The following MAPKAP1 variants were observed in gnomAD, a reference collection of about 807,000 sequenced individuals.
MAPKAP1 encodes target of rapamycin complex 2 subunit MAPKAP1.
Under a neutral mutation model 65.7 loss-of-function variants are expected in MAPKAP1, and 20 were observed. The ratio of observed to expected loss-of-function variants is 0.30; its 90% confidence interval spans 0.21 to 0.44. The LOEUF (loss-of-function observed/expected upper bound fraction) is 0.44, where lower values mean the gene tolerates loss of function less well. Ranked by LOEUF, MAPKAP1 falls within the 20% of genes least tolerant of loss-of-function variation. The pLI is 1.00. For synonymous variants in MAPKAP1, 222 were observed against 244.3 expected, an observed-to-expected ratio of 0.91 and a Z score of 0.85; for missense variants, 423 against 648.0, an observed-to-expected ratio of 0.65 and a Z score of 3.77.
intron 10 of MAPKAP1, among the ~76,000 whole-genome samples, chr9:125,463,209 C>G (rs946115249): frequency 2.0e-5 from 3 of 152,194 alleles, no homozygotes; most frequent in African/African-American, 7.2e-5. Context: ...AACAATGGAA[C>G]GGGAAGGCAA....
intron 5 of MAPKAP1, among the ~76,000 whole-genome samples, chr9:125,578,035 G>C (rs1428070017): frequency 6.6e-6 from 1 of 152,046 alleles, no homozygotes; most frequent in East Asian, 1.9e-4. Flanking sequence ...TGGTTGCCGT[G>C]TCTGTGTAGA....
intron 7 of MAPKAP1, among the ~76,000 whole-genome samples, chr9:125,537,867 A>G (rs1830117321): frequency 6.6e-6 from 1 of 152,144 alleles, no homozygotes; most frequent in South Asian, 2.1e-4. Context: ...TGTGTGTGGT[A>G]TTATGGAGAC....
chr9:125,693,830 C>CATAT (rs1216463261), intron 1 of MAPKAP1, among the ~76,000 whole-genome samples: 1 of 100,344 alleles, frequency 1.0e-5, no homozygotes, highest in Non-Finnish European at 2.2e-5. Context: ...CACACACACA[C>CATAT]ATATATATAC....
intron 3 of MAPKAP1, among the ~76,000 whole-genome samples, chr9:125,658,452 C>T (rs1456651543): frequency 2.0e-5 from 3 of 152,134 alleles, no homozygotes; most frequent in Admixed American, 6.5e-5. Context: ...CATAACAAGC[C>T]TATGAGGTAG....
chr9:125,687,161 G>A (rs1367154333), intron 1 of MAPKAP1, among the ~76,000 whole-genome samples: 1 of 149,816 alleles, frequency 6.7e-6, no homozygotes, highest in African/African-American at 2.5e-5. Flanking sequence ...TATATAAACT[G>A]GTTCCAATAA....
At chr9:125,598,517 G>A (rs1832206128) in intron 4 of MAPKAP1, among the ~76,000 whole-genome samples, 1 of 152,122 alleles carries the variant, frequency 6.6e-6, no homozygotes, top group Admixed American at 6.5e-5. Context: ...GTCAAGTTCT[G>A]ATCTGGGTAC....
At chr9:125,542,937 C>A (rs1164826827) in intron 7 of MAPKAP1, 122 bp downstream of exon 7, 1 of 814,436 alleles carries the variant, frequency 1.2e-6, no homozygotes, top group East Asian at 2.4e-5. Flanking sequence ...GATCAGCTAA[C>A]CAAACCTTCT....
intron 1 of MAPKAP1, among the ~76,000 whole-genome samples, chr9:125,694,310 A>G (rs2131859165): frequency 6.6e-6 from 1 of 152,212 alleles, no homozygotes; most frequent in Non-Finnish European, 1.5e-5. Flanking sequence ...CCTGGGAAAC[A>G]GAGCAAGACT....
intron 3 of MAPKAP1, among the ~76,000 whole-genome samples, chr9:125,666,756 C>T (rs1406825314): frequency 6.6e-6 from 1 of 152,230 alleles, no homozygotes; most frequent in Non-Finnish European, 1.5e-5. Flanking sequence ...GATGGCTGCT[C>T]AGTTTGCCAG....
chr9:125,462,803 T>A (rs1430638842), intron 10 of MAPKAP1, among the ~76,000 whole-genome samples: 1 of 152,248 alleles, frequency 6.6e-6, no homozygotes, highest in Non-Finnish European at 1.5e-5. Context: ...TTAGTTTAAC[T>A]GAAAACTACA....
intron 4 of MAPKAP1, among the ~76,000 whole-genome samples, chr9:125,587,051 G>A (rs1024350680): frequency 4.6e-5 from 7 of 152,168 alleles, no homozygotes; most frequent in Admixed American, 4.6e-4. Context: ...CAAGTGGATA[G>A]CCACATGCAA....
At chr9:125,622,795 G>GCTCTCCC (rs138362788) in intron 4 of MAPKAP1, among the ~76,000 whole-genome samples, 139 of 149,674 alleles carry the variant, frequency 9.3e-4, no homozygotes, top group African/African-American at 2.1e-3. Context: ...CAAGGGAGAG[G>GCTCTCCC]CTCTCCCCTC....
At chr9:125,497,628 C>T (rs997012359) in intron 8 of MAPKAP1, among the ~76,000 whole-genome samples, 2 of 152,248 alleles carry the variant, frequency 1.3e-5, no homozygotes, top group East Asian at 3.8e-4. Flanking sequence ...TCCATTTACA[C>T]ATGAAATCAG....
At chr9:125,702,889 T>G (rs1434533499) in intron 1 of MAPKAP1, among the ~76,000 whole-genome samples, 1 of 151,082 alleles carries the variant, frequency 6.6e-6, no homozygotes, top group East Asian at 1.9e-4. Context: ...CTACACATAG[T>G]GGCATGCGCC....
chr9:125,525,050 C>T (rs529646438), intron 7 of MAPKAP1, among the ~76,000 whole-genome samples: 1 of 152,236 alleles, frequency 6.6e-6, no homozygotes. Flanking sequence ...GTACCTAATA[C>T]ATGGACTCAA....
chr9:125,454,104 A>G (rs976540049), intron 10 of MAPKAP1, among the ~76,000 whole-genome samples: 1 of 152,258 alleles, frequency 6.6e-6, no homozygotes, highest in African/African-American at 2.4e-5. Flanking sequence ...AACAAGTGCT[A>G]TTCCTTGAGA....
chr9:125,443,833 GCTCTC>G (rs1852594870), intron 11 of MAPKAP1, among the ~76,000 whole-genome samples: 1 of 151,958 alleles, frequency 6.6e-6, no homozygotes, highest in Non-Finnish European at 1.5e-5. Flanking sequence ...TCAGGGTTCA[GCTCTC>G]CCTGCCTCCA....
chr9:125,566,599 A>AAAAAG (rs1831062416), intron 5 of MAPKAP1, among the ~76,000 whole-genome samples: 3 of 103,740 alleles, frequency 2.9e-5, no homozygotes, highest in Admixed American at 9.6e-5. Flanking sequence ...AAAGAAAAAG[A>AAAAAG]AAAAAGACTT....
At chr9:125,526,639 G>A (rs751504044) in intron 7 of MAPKAP1, among the ~76,000 whole-genome samples, 3 of 152,120 alleles carry the variant, frequency 2.0e-5, no homozygotes, top group Admixed American at 6.5e-5. Context: ...GAGAAAGGGC[G>A]TTTTCAAATA....
Sources: allele counts gnomAD v4.1 joint callset (sites outside exome capture counted in the v4.1 genomes callset), GRCh38; gene constraint gnomAD v4.1.1; transcripts MANE v1.5; gene names NCBI Gene and HGNC (gene_info 2026-07-23, HGNC 2026-07-21).